Variants in SBNO2 observed in about 807,000 individuals in gnomAD.
The protein encoded by SBNO2 is strawberry notch homolog 2.
Under a neutral mutation model 146.3 loss-of-function variants are expected in SBNO2, and 89 were observed. The observed-to-expected ratio is 0.61, with a 90% confidence interval of 0.51 to 0.73. The LOEUF is 0.73. Among genes scored for constraint, SBNO2 ranks in the 30% least tolerant of loss-of-function variants. The pLI is 0.00. For missense variants in SBNO2, 2,092 were observed against 2,003.7 expected (o/e 1.04, Z -0.84); for synonymous variants, 1,147 against 892.6 (o/e 1.29, Z -5.08).
chr19:1,124,354 C>T (rs570133636), intron 5 of SBNO2, among the ~76,000 whole-genome samples: 4 of 152,324 alleles, frequency 2.6e-5, no homozygotes, highest in Admixed American at 2.0e-4. Context: ...CTTGGTCCCG[C>T]GGGAGCTGCC....
chr19:1,119,286 A>C (rs2079870635), intron 13 of SBNO2, 122 bp from the exon 14 acceptor site: 7 of 1,249,844 alleles, frequency 5.6e-6, no homozygotes, highest in Non-Finnish European at 7.7e-6. Flanking sequence ...CCTGGCGGCC[A>C]CTGAGGCAGT....
At chr19:1,124,119 C>T (rs2079938051) in intron 5 of SBNO2, 97 bp from the exon 6 acceptor site, 1 of 1,091,634 alleles carries the variant, frequency 9.2e-7, no homozygotes, top group African/African-American at 1.6e-5. Context: ...TCCCCACTGC[C>T]CCGTCCTCGC....
rs898802391 is a variant in SBNO2, at chr19:1,108,084, G to A, written c.*136C>T. 1.4e-5 allele frequency: 14 copies of A among 1,019,252 alleles called. No individual in the cohort carries two copies. The African/African-American group carries it at 2.1e-4, about 15-fold the overall frequency. The allele number at this position is 1,019,252 out of a possible 1,614,324, so 63.1% of individuals were successfully genotyped here. ...GGCTGACCAGGTGGGGGCCCGGGTC[G>A]GGCGCTGAAGGCACTGCGGCCAGGG... On this transcript the variant is annotated 3_prime_UTR_variant, in exon 32 of 32. Transcript: ENST00000361757.
chr19:1,152,698 C>CT (rs901713817), intron 2 of SBNO2, among the ~76,000 whole-genome samples: 2 of 152,156 alleles, frequency 1.3e-5, no homozygotes, highest in Non-Finnish European at 2.9e-5. Flanking sequence ...TGGCAGGAAG[C>CT]TGCCCAAAGC....
Position 1,157,330 on chromosome 19 carries a change from A to G in SBNO2, c.-126-2928T>C, listed in dbSNP as rs959419143. ...AGAACACCCCAACGCAGCCTCTGCC[A>G]CGCAGCCCCGGAGACGCTCTCCCCA... On this transcript the variant is annotated intron_variant, in intron 1 of 31. Coordinates refer to ENST00000361757, the MANE Select transcript of SBNO2 (RefSeq NM_014963.3). The surrounding 1 kb of genome is among the most constrained non-coding windows in gnomAD (Gnocchi z 6.8). 6.6e-6 allele frequency among the ~76,000 whole-genome samples: 1 copy of G among 151,206 alleles called. No homozygotes were observed. Among genetic ancestry groups the G allele is most frequent in the African/African-American group, 2.5e-5 (1 of 40,636 alleles).
Position 1,150,737 on chromosome 19 carries a change from T to C in SBNO2, c.94-1295A>G, listed in dbSNP as rs113457175. ...GCTCCTCTATGAGGCCCTGATGCAA[T>C]TCCCTGGGGCTCGGCCACCTCTGCC... is the stretch of plus-strand genomic sequence containing the variant. On this transcript the variant is annotated intron_variant, in intron 2 of 31. Coordinates refer to ENST00000361757, the MANE Select transcript of SBNO2 (RefSeq NM_014963.3). This position sits in a 1 kb window ranked among gnomAD's most constrained non-coding sequence, Gnocchi z 6.2. 3.9e-5 allele frequency among the ~76,000 whole-genome samples: 6 copies of C among 151,940 alleles called. No individual in the cohort carries two copies. Among genetic ancestry groups the C allele is most frequent in the Non-Finnish European group, 7.4e-5 (5 of 67,912 alleles).
intron 17 of SBNO2, chr19:1,115,604 C>T (rs557800505): frequency 2.8e-5 from 7 of 248,232 alleles, no homozygotes; most frequent in Admixed American, 5.2e-5. Context: ...ATGGTGGACA[C>T]GCGGGGTGCC....
Position 1,146,747 on chromosome 19 carries a change from G to A in SBNO2, c.279+562C>T, listed in dbSNP as rs183691156. On this transcript the variant is annotated intron_variant, in intron 4 of 31. Transcript: ENST00000361757. ...GTGGGGGTGGGGTCCGCCTGATGCC[G>A]CAGTGGGAGGCTGTGAGGGTGGGGG... Among the ~76,000 whole-genome samples the A allele has an allele frequency of 1.9e-3, 270 of 141,822 alleles. 8 individuals are homozygous for A. The East Asian group carries it at 0.049, about 26-fold the overall frequency. The allele number at this position is 141,822 out of a possible 152,430, so 93.0% of individuals were successfully genotyped here. A position where few individuals can be genotyped will look rare whatever the true frequency, so the allele number is the denominator to read the frequency against.
In SBNO2 at chr19:1,111,971, C is replaced by T. The variant is rs116831729; in HGVS notation, c.2700+25G>A. On this transcript the variant is annotated intron_variant, in intron 23 of 31. Coordinates refer to ENST00000361757, the MANE Select transcript of SBNO2 (RefSeq NM_014963.3). ...CTAGACCCCTGCCCCTGCCCCGCCC[C>T]CCAACCCTGCCTTCCCTGCAGTACC... The T allele has an allele frequency of 2.0e-3, 3,281 of 1,606,468 alleles. 45 individuals carry two copies. The African/African-American group carries it at 0.037, about 18-fold the overall frequency.
intron 4 of SBNO2, among the ~76,000 whole-genome samples, chr19:1,132,710 G>GAAGCCCCTGCCC (rs376839589): frequency 3.8e-4 from 58 of 152,264 alleles, no homozygotes; most frequent in African/African-American, 1.2e-3. Flanking sequence ...AGGTCCCCGA[G>GAAGCCCCTGCCC]AAGCCCCTGC....
Position 1,122,238 on chromosome 19 carries a change from G to A in SBNO2, c.1050C>T (p.Ala350=). The A allele has an allele frequency of 6.3e-7, 1 of 1,580,718 alleles. No homozygotes were observed. Among genetic ancestry groups the A allele is most frequent in the South Asian group, 1.2e-5 (1 of 85,914 alleles). The change falls in exon 11 of 32, where the codon GCC becomes GCT. Residue 350 remains alanine (A), a synonymous_variant. Coordinates refer to ENST00000361757, the MANE Select transcript of SBNO2 (RefSeq NM_014963.3). The part of the protein sequence containing the change: ...DTTTSEGVLF[A]TYSALIGESQ... ...TCTCCCCAATCAGGGCGGAGTAGGTGGCGAAGAGGACGCCCTCTGAGGTAG... is the reference window on the plus strand; with the variant it reads ...TCTCCCCAATCAGGGCGGAGTAGGTAGCGAAGAGGACGCCCTCTGAGGTAG...
chr19:1,113,902 C>T (rs1441567395), intron 18 of SBNO2, among the ~76,000 whole-genome samples, 198 bp from the exon 19 acceptor site: 1 of 152,212 alleles, frequency 6.6e-6, no homozygotes, highest in Non-Finnish European at 1.5e-5. Context: ...TGGGGCGAGA[C>T]TAAGCCTCCT....
chr19:1,170,984 A>T (rs1324290824), intron 1 of SBNO2, among the ~76,000 whole-genome samples: 3 of 151,992 alleles, frequency 2.0e-5, no homozygotes, highest in Non-Finnish European at 1.5e-5. Context: ...CACACACAAC[A>T]TACGAGGACA....
Position 1,144,633 on chromosome 19 carries a change from CA to C in SBNO2, c.279+2675del, listed in dbSNP as rs1255465645. Among the ~76,000 whole-genome samples, 1 of 144,824 alleles carries C rather than the reference CA, an allele frequency of 6.9e-6. No individual in the cohort carries two copies. Among genetic ancestry groups the C allele is most frequent in the Non-Finnish European group, 1.5e-5 (1 of 66,036 alleles). On this transcript the variant is annotated intron_variant, in intron 4 of 31. Coordinates refer to ENST00000361757, the MANE Select transcript of SBNO2 (RefSeq NM_014963.3). The surrounding 1 kb of genome is among the most constrained non-coding windows in gnomAD (Gnocchi z 4.1). Reference sequence around the variant, plus strand: ...AGGCAGAGAGGGAAACAGACGAAGACAGAGAGGGCGACAGAGACAGAGGCAG... The same window carrying C: ...AGGCAGAGAGGGAAACAGACGAAGACGAGAGGGCGACAGAGACAGAGGCAG...
At position 1,108,772 on chromosome 19, in the gene SBNO2, C is replaced by T; in HGVS notation, c.3616+7G>A. 3 of 1,601,442 alleles carry T rather than the reference C, an allele frequency of 1.9e-6. No homozygotes were observed. Among genetic ancestry groups the T allele is most frequent in the Non-Finnish European group, 2.5e-6 (3 of 1,178,640 alleles). ...GGGCCTTCCCGGGGCGCCCGCCGCC[C>T]ACTCACCCACTTGCTTCTTCCTGTC... is the stretch of plus-strand genomic sequence containing the variant. On this transcript the variant is annotated splice_region_variant and intron_variant, in intron 31 of 31. Coordinates refer to ENST00000361757, the MANE Select transcript of SBNO2 (RefSeq NM_014963.3).
rs952032201 is a variant in SBNO2, at chr19:1,108,274, C to T, written c.4047G>A (p.Arg1349=). ...GTGGGCTGAACTGGATCACGCTCTG[C>T]CGCTCGGGACCACCGCCCGCCGCGC... ...AGGAAGGGPE[R]QSVIQFSPPF... The change falls in exon 32 of 32, where the codon CGG becomes CGA. Residue 1349 remains arginine (R), a synonymous_variant. Transcript: ENST00000361757. 18 of 1,512,970 alleles carry T rather than the reference C, an allele frequency of 1.2e-5. No individual in the cohort carries two copies. The African/African-American group carries it at 1.4e-4, about 12-fold the overall frequency. 93.7% of individuals were successfully genotyped at this position (1,512,970 alleles called of 1,614,324 possible).
chr19:1,144,867 CAGACAG>C lies in SBNO2; in HGVS notation c.279+2436_279+2441del, dbSNP rs1568612769. Among the ~76,000 whole-genome samples the C allele has an allele frequency of 8.1e-6, 1 of 123,580 alleles. No homozygotes were observed. Among genetic ancestry groups the C allele is most frequent in the African/African-American group, 3.2e-5 (1 of 31,080 alleles). 81.1% of individuals were successfully genotyped at this position (123,580 alleles called of 152,430 possible). On this transcript the variant is annotated intron_variant, in intron 4 of 31. Transcript: ENST00000361757. The surrounding 1 kb of genome is among the most constrained non-coding windows in gnomAD (Gnocchi z 4.1). ...GCAGAGACAAGCAGAGAGGGAGACACAGACAGAGACAGAGAGGGAGACAGAGAGACA... is the reference window on the plus strand; with the variant it reads ...GCAGAGACAAGCAGAGAGGGAGACACAGACAGAGAGGGAGACAGAGAGACA...
chr19:1,161,990 C>CCA (rs1264073564), intron 1 of SBNO2, among the ~76,000 whole-genome samples: 3 of 142,994 alleles, frequency 2.1e-5, no homozygotes, highest in Non-Finnish European at 4.5e-5. Context: ...GACAGACGGA[C>CCA]GTCCTGGCCC....
Position 1,144,186 on chromosome 19 carries a change from T to G in SBNO2, c.279+3123A>C, listed in dbSNP as rs913016205. The stretch of plus-strand genomic sequence containing the variant: ...CGGGACCACGCATCCCGTCCCACAC[T>G]CGACACCACAGAACCTTGCGGCCCA... On this transcript the variant is annotated intron_variant, in intron 4 of 31. Transcript: ENST00000361757. The surrounding 1 kb of genome is among the most constrained non-coding windows in gnomAD (Gnocchi z 4.1). 9.9e-5 allele frequency among the ~76,000 whole-genome samples: 15 copies of G among 151,160 alleles called. No homozygotes were observed. The highest frequency in any genetic ancestry group is 3.6e-4 in the African/African-American group (15 of 41,114).
Sources: allele counts gnomAD v4.1 joint callset (sites outside exome capture counted in the v4.1 genomes callset), GRCh38; gene constraint gnomAD v4.1.1; non-coding constraint Gnocchi (gnomAD v3.1); transcripts MANE v1.5; gene names NCBI Gene and HGNC (gene_info 2026-07-23, HGNC 2026-07-21).